The following SNRPA1 variants were observed in gnomAD, a reference collection of about 807,000 sequenced individuals.
SNRPA1 encodes small nuclear ribonucleoprotein polypeptide A'.
SNRPA1 carries 5 observed loss-of-function variants against 32.3 expected under a neutral mutation model. The ratio of observed to expected loss-of-function variants is 0.15; its 90% confidence interval spans 0.08 to 0.33. The LOEUF is 0.33. Ranked by LOEUF, SNRPA1 falls within the 10% of genes least tolerant of loss-of-function variation. The pLI is 1.00. For synonymous variants in SNRPA1, 111 were observed against 120.1 expected, an observed-to-expected ratio of 0.92 and a Z score of 0.50; for missense variants, 198 against 311.1, an observed-to-expected ratio of 0.64 and a Z score of 2.74.
chr15:101,282,803 T>A (rs2039411376), intron 8 of SNRPA1, among the ~76,000 whole-genome samples: 2 of 152,242 alleles, frequency 1.3e-5, no homozygotes, highest in Admixed American at 1.3e-4. Flanking sequence ...ACTGGGAAGC[T>A]GGCAGGTTAC....
rs150710048 is a variant in SNRPA1, at chr15:101,286,289, C to T, written c.464G>A (p.Arg155His). ...CTTGAACATTTTCTCTGCTTCCTGA[C>T]GCTCCTACAGCGACACCACACACAG... is the stretch of plus-strand genomic sequence containing the variant. ...LDFQKVKLKE[R>H]QEAEKMFKGK... Residue 155 changes from arginine (R) to histidine (H), a missense_variant, in exon 6 of 9, where the codon CGT becomes CAT. Arg to His is a conservative substitution (Grantham distance 29). Coordinates refer to ENST00000254193, the MANE Select transcript of SNRPA1 (RefSeq NM_003090.4). The T allele has an allele frequency of 7.0e-5, 113 of 1,613,976 alleles. No homozygotes were observed. Among genetic ancestry groups the T allele is most frequent in the East Asian group, 2.5e-4 (11 of 44,878 alleles).
intron 1 of SNRPA1, among the ~76,000 whole-genome samples, chr15:101,293,593 C>T (rs1164814903): frequency 6.6e-6 from 1 of 152,226 alleles, no homozygotes; most frequent in African/African-American, 2.4e-5. Context: ...CAGTTCTCCA[C>T]TCTTGCATCT....
intron 5 of SNRPA1, 168 bp from the exon 6 acceptor site, chr15:101,286,461 T>C: frequency 1.8e-6 from 1 of 552,604 alleles, no homozygotes; most frequent in South Asian, 2.7e-5. Flanking sequence ...CTTTCTTTGG[T>C]AGAGCTCCCT....
chr15:101,288,244 ATTT>A lies in SNRPA1; in HGVS notation c.310-545_310-543del, dbSNP rs34548866. ...GAATTAATGGAAAGAAGGCAGGGTG[ATTT>A]TTTTTTTTTTTTTTTTTGAGACGGA... On this transcript the variant is annotated intron_variant, in intron 3 of 8. Coordinates refer to ENST00000254193, the MANE Select transcript of SNRPA1 (RefSeq NM_003090.4). 2.9e-3 allele frequency: 386 copies of A among 131,466 alleles called. 2 individuals carry two copies. Among genetic ancestry groups the A allele is most frequent in the African/African-American group, 7.2e-3 (243 of 33,834 alleles). The allele number at this position is 131,466 out of a possible 1,614,324, so 8.1% of individuals were successfully genotyped here.
At chr15:101,287,966 T>C (rs2039474221) in intron 3 of SNRPA1, 1 of 412,752 alleles carries the variant, frequency 2.4e-6, no homozygotes, top group Admixed American at 3.7e-5. Flanking sequence ...AATCTCAAAG[T>C]GGCTGCTGAG....
chr15:101,286,195 T>C lies in SNRPA1; in HGVS notation c.539+19A>G, dbSNP rs758544742. On this transcript the variant is annotated intron_variant, in intron 6 of 8. Coordinates refer to ENST00000254193, the MANE Select transcript of SNRPA1 (RefSeq NM_003090.4). ...TTTCTGAAGGTGAAGTAGAGTTAAG[T>C]TGGATATCCGTGTCTTACGTTTTGC... The C allele has an allele frequency of 3.7e-6, 6 of 1,603,988 alleles. No homozygotes were observed. The Admixed American group carries it at 8.3e-5, about 22-fold the overall frequency.
chr15:101,284,934 A>T, intron 8 of SNRPA1, 33 bp downstream of exon 8: 3 of 1,518,124 alleles, frequency 2.0e-6, no homozygotes, highest in Non-Finnish European at 1.8e-6. Context: ...GTGTAACATT[A>T]ATTTGAACAT....
chr15:101,290,229 T>C (rs560071587), intron 3 of SNRPA1, among the ~76,000 whole-genome samples: 2 of 152,340 alleles, frequency 1.3e-5, no homozygotes, highest in South Asian at 4.1e-4. Flanking sequence ...ACTTCAGGGA[T>C]AGTCAAATCC....
rs1000008826 is a variant in SNRPA1 at position 101,295,209 on chromosome 15, A to G, written c.-31T>C. 10 of 1,506,540 alleles carry G rather than the reference A, an allele frequency of 6.6e-6. No homozygotes were observed. The highest frequency in any genetic ancestry group is 8.9e-6 in the Non-Finnish European group (10 of 1,128,760). 93.3% of individuals were successfully genotyped at this position (1,506,540 alleles called of 1,614,324 possible). ...AGCCTCCCGTTCCCCCGCGCTGTGGAAAGCCCGTGGCCTCCCGCCAGCGAG... is the reference window on the plus strand; with the variant it reads ...AGCCTCCCGTTCCCCCGCGCTGTGGGAAGCCCGTGGCCTCCCGCCAGCGAG... On this transcript the variant is annotated 5_prime_UTR_variant, in exon 1 of 9. Transcript: ENST00000254193.
chr15:101,285,114 T>C (rs1171756655), intron 7 of SNRPA1, 54 bp from the exon 8 acceptor site: 1 of 1,296,278 alleles, frequency 7.7e-7, no homozygotes, highest in Non-Finnish European at 1.1e-6. Context: ...AAGTATCAGC[T>C]ACCCAGAAAA....
chr15:101,284,904 G>T, intron 8 of SNRPA1, 63 bp downstream of exon 8: 1 of 1,206,308 alleles, frequency 8.3e-7, no homozygotes, highest in Non-Finnish European at 1.2e-6. Context: ...GCATCTAAAT[G>T]GTTGTGAGTT....
intron 2 of SNRPA1, 126 bp downstream of exon 2, chr15:101,292,899 A>AAAAAAG (rs201980668): frequency 2.2e-5 from 12 of 539,442 alleles, no homozygotes; most frequent in East Asian, 1.4e-4. Context: ...AAATATAAAT[A>AAAAAAG]AAAAAGAAAA....
chr15:101,289,943 ATT>A (rs2039502442), intron 3 of SNRPA1: 3 of 150,716 alleles, frequency 2.0e-5, no homozygotes, highest in African/African-American at 7.4e-5. Context: ...AAAAAAAAAA[ATT>A]CAACCATACA....
intron 5 of SNRPA1, 31 bp downstream of exon 5, chr15:101,286,876 TA>T: frequency 8.9e-7 from 1 of 1,128,216 alleles, no homozygotes; most frequent in Non-Finnish European, 1.3e-6. Context: ...CACAACTCTA[TA>T]ATGGCTCACA....
chr15:101,293,295 A>G (rs1018583792), intron 1 of SNRPA1, 123 bp from the exon 2 acceptor site: 1 of 639,384 alleles, frequency 1.6e-6, no homozygotes, highest in Non-Finnish European at 2.6e-6. Flanking sequence ...AGTATTACCT[A>G]GCACCTATGT....
chr15:101,284,991 T>G lies in SNRPA1; in HGVS notation c.685A>C (p.Ile229Leu). 2 of 1,613,878 alleles carry G rather than the reference T, an allele frequency of 1.2e-6. No homozygotes were observed. The highest frequency in any genetic ancestry group is 1.7e-6 in the Non-Finnish European group (2 of 1,179,790). The change falls in exon 8 of 9, where the codon ATC becomes CTC. Residue 229 changes from isoleucine (I) to leucine (L), a missense_variant. Physicochemically the swap from Ile to Leu is conservative, Grantham distance 5. This residue lies in a region of SNRPA1 where 77 missense variants were observed against 120.1 expected (regional missense o/e 0.64). Coordinates refer to ENST00000254193, the MANE Select transcript of SNRPA1 (RefSeq NM_003090.4). ...CCTGATCTGCGTTCTCTGCCAGGGA[T>G]CTGACCAGACTGCAGCAACCCCTTC... is the stretch of plus-strand genomic sequence containing the variant. ...RLKGLLQSGQ[I>L]PGRERRSGPT...
intron 8 of SNRPA1, among the ~76,000 whole-genome samples, chr15:101,283,617 C>T (rs2039421543): frequency 6.6e-6 from 1 of 151,848 alleles, no homozygotes; most frequent in Non-Finnish European, 1.5e-5. Flanking sequence ...TCCCAGAGGC[C>T]CACAAACCAT....
rs1208869215 is a variant in SNRPA1 at position 101,295,192 on chromosome 15, G to A, written c.-14C>T. On this transcript the variant is annotated 5_prime_UTR_variant, in exon 1 of 9. In the 5' UTR this introduces an upstream ATG that the reference lacks. Transcript: ENST00000254193. ...CAGCTTGACCATCCTGCAGCCTCCC[G>A]TTCCCCCGCGCTGTGGAAAGCCCGT... 1.3e-6 allele frequency: 2 copies of A among 1,529,508 alleles called. No individual in the cohort carries two copies. Among genetic ancestry groups the A allele is most frequent in the Admixed American group, 2.0e-5 (1 of 50,274 alleles). 94.7% of individuals were successfully genotyped at this position (1,529,508 alleles called of 1,614,324 possible).
At chr15:101,292,132 TTAGA>T in intron 2 of SNRPA1, 92 bp from the exon 3 acceptor site, 1 of 853,996 alleles carries the variant, frequency 1.2e-6, no homozygotes, top group Non-Finnish European at 1.9e-6. Context: ...AGAGAGACAC[TTAGA>T]GATCCTTCTT....
Sources: allele counts gnomAD v4.1 joint callset (sites outside exome capture counted in the v4.1 genomes callset), GRCh38; gene constraint gnomAD v4.1.1; regional missense constraint gnomAD v4.1.1; transcripts MANE v1.5; gene names NCBI Gene and HGNC (gene_info 2026-07-23, HGNC 2026-07-21).